Variants in RAB31 observed in about 807,000 individuals in gnomAD.
RAB31 encodes RAB31, member RAS oncogene family.
In RAB31, 21 loss-of-function variants were observed where a neutral mutation model predicts 25.6. The ratio of observed to expected loss-of-function variants is 0.82; its 90% confidence interval spans 0.58 to 1.18. The LOEUF (loss-of-function observed/expected upper bound fraction) is 1.18, where lower values mean the gene tolerates loss of function less well. Among genes scored for constraint, RAB31 ranks in the 50% most tolerant of loss-of-function variants. The pLI, the probability that RAB31 is intolerant of heterozygous loss-of-function variation, is 0.00. For missense variants in RAB31, 196 were observed against 250.1 expected, an observed-to-expected ratio of 0.78 and a Z score of 1.46; for synonymous variants, 87 against 84.0, an observed-to-expected ratio of 1.04 and a Z score of -0.20.
intron 1 of RAB31, among the ~76,000 whole-genome samples, chr18:9,719,855 C>T (rs886358761): frequency 7.2e-5 from 11 of 152,242 alleles, no homozygotes; most frequent in Non-Finnish European, 1.5e-4. Flanking sequence ...CACTTGCTCC[C>T]ACCCTTTCAG....
At chr18:9,771,191 T>C (rs2068343218) in intron 1 of RAB31, among the ~76,000 whole-genome samples, 1 of 151,944 alleles carries the variant, frequency 6.6e-6, no homozygotes, top group Non-Finnish European at 1.5e-5. Context: ...AAAGGAAAAA[T>C]GTACACTTAG....
intron 3 of RAB31, among the ~76,000 whole-genome samples, chr18:9,803,550 A>T (rs1409063726): frequency 6.6e-6 from 1 of 151,962 alleles, no homozygotes; most frequent in African/African-American, 2.4e-5. Context: ...TGAAAGAGAA[A>T]ACTGAGTGAT....
At chr18:9,758,568 G>A (rs2068271615) in intron 1 of RAB31, among the ~76,000 whole-genome samples, 1 of 152,026 alleles carries the variant, frequency 6.6e-6, no homozygotes, top group African/African-American at 2.4e-5. Context: ...TGTCAGATGC[G>A]GGCAGGTGTC....
intron 1 of RAB31, among the ~76,000 whole-genome samples, chr18:9,774,539 C>T (rs988030345): frequency 6.6e-6 from 1 of 152,198 alleles, no homozygotes; most frequent in Non-Finnish European, 1.5e-5. Flanking sequence ...CGCTTGTCCT[C>T]CTGGATTTTG....
chr18:9,809,647 C>T (rs775859578), intron 3 of RAB31, among the ~76,000 whole-genome samples: 6 of 152,186 alleles, frequency 3.9e-5, no homozygotes, highest in Non-Finnish European at 7.3e-5. Context: ...ACACCTAAGT[C>T]TAATTGCTGC....
At position 9,806,099 on chromosome 18, in the gene RAB31, C is replaced by A. The variant is rs2068539463; in HGVS notation, c.202-7921C>A. Among the ~76,000 whole-genome samples the A allele has an allele frequency of 4.0e-5, 6 of 151,882 alleles. No individual in the cohort carries two copies. The South Asian group carries it at 1.2e-3, about 32-fold the overall frequency. ...GGCTGAGGCAGGAGAATGGCGTGAA[C>A]CCGGGAGGCGGAGCTTGCAGTGAGC... On this transcript the variant is annotated intron_variant, in intron 3 of 6. Coordinates refer to ENST00000578921, the MANE Select transcript of RAB31 (RefSeq NM_006868.4).
intron 5 of RAB31, among the ~76,000 whole-genome samples, chr18:9,829,554 G>T (rs1474471896): frequency 6.6e-6 from 1 of 152,312 alleles, no homozygotes; most frequent in Middle Eastern, 3.4e-3. Flanking sequence ...CTGGACTGGG[G>T]TAGGTAAGAG....
chr18:9,722,582 A>G (rs1332949679), intron 1 of RAB31, among the ~76,000 whole-genome samples: 1 of 152,250 alleles, frequency 6.6e-6, no homozygotes, highest in Non-Finnish European at 1.5e-5. Context: ...TAGTTTCAGA[A>G]TAGCACAGTT....
intron 3 of RAB31, among the ~76,000 whole-genome samples, chr18:9,807,842 G>C (rs2068550088): frequency 6.6e-6 from 1 of 152,050 alleles, no homozygotes; most frequent in African/African-American, 2.4e-5. Context: ...ACCGGATATG[G>C]TGGCACACAC....
At chr18:9,854,752 G>A (rs79670489) in intron 6 of RAB31, among the ~76,000 whole-genome samples, 2,066 of 152,254 alleles carry the variant, frequency 0.014, 26 homozygotes, top group Non-Finnish European at 0.022. Context: ...TTATTAGGGC[G>A]ATGTTCCATG....
chr18:9,858,703 A>G (rs1211280137), intron 6 of RAB31, among the ~76,000 whole-genome samples: 6 of 152,230 alleles, frequency 3.9e-5, no homozygotes, highest in Non-Finnish European at 7.3e-5. Context: ...AATGATCTAA[A>G]TGCATTGGCA....
intron 1 of RAB31, among the ~76,000 whole-genome samples, chr18:9,743,821 T>C (rs1329276742): frequency 6.6e-6 from 1 of 152,224 alleles, no homozygotes; most frequent in East Asian, 1.9e-4. Context: ...GTCTTTTGAT[T>C]GTTGGTCTCA....
chr18:9,714,453 T>G (rs573762244), intron 1 of RAB31, among the ~76,000 whole-genome samples: 1 of 152,348 alleles, frequency 6.6e-6, no homozygotes, highest in African/African-American at 2.4e-5. Flanking sequence ...TCACTCACTG[T>G]TCACCTCCTG....
intron 2 of RAB31, among the ~76,000 whole-genome samples, chr18:9,779,278 A>G (rs551566418): frequency 6.6e-6 from 1 of 152,256 alleles, no homozygotes; most frequent in South Asian, 2.1e-4. Context: ...ATGTAGAAAT[A>G]TATAAAATAA....
chr18:9,717,240 CT>C (rs1298400546), intron 1 of RAB31, among the ~76,000 whole-genome samples: 1 of 152,106 alleles, frequency 6.6e-6, no homozygotes, highest in African/African-American at 2.4e-5. Flanking sequence ...GGGTTTTTCA[CT>C]GTGGGATCTT....
At chr18:9,806,163 A>C (rs999534434) in intron 3 of RAB31, among the ~76,000 whole-genome samples, 1 of 144,064 alleles carries the variant, frequency 6.9e-6, no homozygotes, top group African/African-American at 2.6e-5. Flanking sequence ...GGCAACACAG[A>C]GAGACTCCGT....
chr18:9,832,122 G>A (rs1184905950), intron 5 of RAB31, among the ~76,000 whole-genome samples: 1 of 152,192 alleles, frequency 6.6e-6, no homozygotes, highest in East Asian at 1.9e-4. Flanking sequence ...TGGTCAGGAG[G>A]CGACATGCAG....
chr18:9,781,560 G>A (rs1050114778), intron 2 of RAB31, among the ~76,000 whole-genome samples: 2 of 152,204 alleles, frequency 1.3e-5, no homozygotes, highest in Non-Finnish European at 2.9e-5. Flanking sequence ...TGATCTGCCC[G>A]CCTTGGCCTC....
intron 1 of RAB31, among the ~76,000 whole-genome samples, chr18:9,773,889 G>A (rs144124256): frequency 6.8e-4 from 103 of 152,086 alleles, no homozygotes; most frequent in Middle Eastern, 3.4e-3. Flanking sequence ...TTGAACTCCT[G>A]GCCTCAAGTG....
Sources: gnomAD v4.1 joint callset for allele counts (sites outside exome capture counted in the v4.1 genomes callset) on GRCh38, gnomAD v4.1.1 for gene constraint, MANE v1.5 for transcripts, NCBI Gene and HGNC (gene_info 2026-07-23, HGNC 2026-07-21) for gene names.